SERPINB11: variants seen among roughly 807,000 people sequenced by gnomAD.
SERPINB11 encodes the protein serpin B11.
In SERPINB11, 32 loss-of-function variants were observed where a neutral mutation model predicts 36.7. That is an observed-to-expected ratio of 0.87 (90% CI 0.66 to 1.17). The LOEUF (loss-of-function observed/expected upper bound fraction) is 1.17, where lower values mean the gene tolerates loss of function less well. Ranked by LOEUF, SERPINB11 falls within the 50% of genes most tolerant of loss-of-function variation. The probability of loss-of-function intolerance (pLI) is 0.00; values close to 1 mark genes in which losing one functional copy is unlikely to be tolerated. For synonymous variants in SERPINB11, 174 were observed against 168.1 expected (o/e 1.04, Z -0.27); for missense variants, 528 against 458.4 (o/e 1.15, Z -1.39).
intron 1 of SERPINB11, chr18:63,705,875 A>T (rs891653462): frequency 2.6e-5 from 4 of 152,250 alleles, no homozygotes; most frequent in Admixed American, 2.6e-4. Context: ...ACTTGGATAT[A>T]CTTCACGATT....
At chr18:63,711,679 T>G (rs1219544881) in intron 3 of SERPINB11, among the ~76,000 whole-genome samples, 1 of 152,196 alleles carries the variant, frequency 6.6e-6, no homozygotes, top group East Asian at 1.9e-4. Flanking sequence ...GTTTGCCAGT[T>G]TTGTCTATGT....
At chr18:63,720,668 A>G in intron 6 of SERPINB11, 163 bp from the exon 7 acceptor site, 1 of 560,062 alleles carries the variant, frequency 1.8e-6, no homozygotes, top group Non-Finnish European at 3.1e-6. Flanking sequence ...AAAAAAATGG[A>G]TAACCTTTGC....
chr18:63,709,438 C>T (rs572702938), intron 1 of SERPINB11, among the ~76,000 whole-genome samples: 1 of 151,964 alleles, frequency 6.6e-6, no homozygotes, highest in South Asian at 2.1e-4. Flanking sequence ...GGTGAAACCC[C>T]GTCTCTACCA....
intron 4 of SERPINB11, among the ~76,000 whole-genome samples, chr18:63,714,047 C>T (rs945375757): frequency 4.6e-5 from 7 of 152,208 alleles, no homozygotes; most frequent in South Asian, 2.1e-4. Context: ...TGGGGGAACC[C>T]GCCCTGATAA....
At chr18:63,706,872 TC>T (rs1263814542) in intron 1 of SERPINB11, among the ~76,000 whole-genome samples, 3 of 152,182 alleles carry the variant, frequency 2.0e-5, no homozygotes, top group Non-Finnish European at 4.4e-5. Flanking sequence ...TCCTGGGTTA[TC>T]CTCTTAGACT....
Position 63,712,697 on chromosome 18 carries a change from A to G in SERPINB11, c.357+4A>G. On this transcript the variant is annotated splice_donor_region_variant and intron_variant, in intron 4 of 7. Coordinates refer to ENST00000544088, the MANE Select transcript of SERPINB11 (RefSeq NM_001370475.1). Reference sequence around the variant, plus strand: ...AAAGACGATGGCATTTCATCAGGTAAGTCCATTTGGAAGAGTGATCAACAA... The same window carrying G: ...AAAGACGATGGCATTTCATCAGGTAGGTCCATTTGGAAGAGTGATCAACAA... 1 of 1,611,838 alleles carries G rather than the reference A, an allele frequency of 6.2e-7. No homozygotes were observed. The highest frequency in any genetic ancestry group is 1.1e-5 in the South Asian group (1 of 90,644).
chr18:63,705,596 C>T (rs1914351971), intron 1 of SERPINB11: 1 of 152,170 alleles, frequency 6.6e-6, no homozygotes, highest in African/African-American at 2.4e-5. Context: ...ACCTTGTGTA[C>T]TTGTGGTTAT....
At chr18:63,704,804 C>T (rs1568181920) in intron 1 of SERPINB11, among the ~76,000 whole-genome samples, 1 of 152,150 alleles carries the variant, frequency 6.6e-6, no homozygotes, top group Non-Finnish European at 1.5e-5. Flanking sequence ...TACATGAACC[C>T]TGTAAGTTGG....
At chr18:63,715,407 G>A (rs1914642580) in intron 4 of SERPINB11, among the ~76,000 whole-genome samples, 1 of 152,096 alleles carries the variant, frequency 6.6e-6, no homozygotes, top group Non-Finnish European at 1.5e-5. Flanking sequence ...AAAAGAAAGG[G>A]TAAGTTCTTT....
intron 6 of SERPINB11, 103 bp from the exon 7 acceptor site, chr18:63,720,728 C>T: frequency 2.5e-6 from 2 of 795,762 alleles, no homozygotes; most frequent in South Asian, 1.8e-5. Context: ...TTACCCATGC[C>T]TTTAGAGTGT....
At chr18:63,720,333 C>T in intron 6 of SERPINB11, 178 bp downstream of exon 6, 1 of 596,080 alleles carries the variant, frequency 1.7e-6, no homozygotes, top group Non-Finnish European at 2.9e-6. Flanking sequence ...TAACTTTTAT[C>T]ACAGAGCACC....
At position 63,723,040 on chromosome 18, in the gene SERPINB11, T is replaced by C. The variant is rs773375640; in HGVS notation, c.820T>C (p.Ser274Pro). 1.3e-6 allele frequency: 2 copies of C among 1,596,742 alleles called. No homozygotes were observed. The highest frequency in any genetic ancestry group is 1.7e-6 in the Non-Finnish European group (2 of 1,172,730). ...GGGGACGTTTCATGAGTGGACAAGCTCTTCTAACATGATGGAAAGAGAAGT... is the reference window on the plus strand; with the variant it reads ...GGGGACGTTTCATGAGTGGACAAGCCCTTCTAACATGATGGAAAGAGAAGT... The part of the protein sequence containing the change: ...NSGTFHEWTS[S>P]SNMMEREVEV... Residue 274 changes from serine (S) to proline (P), a missense_variant, in exon 8 of 8, where the codon TCT becomes CCT. By Grantham distance (74) the Ser-to-Pro change is moderately conservative. Transcript: ENST00000544088.
chr18:63,722,347 A>T (rs926978009), intron 7 of SERPINB11, among the ~76,000 whole-genome samples: 1 of 152,172 alleles, frequency 6.6e-6, no homozygotes, highest in African/African-American at 2.4e-5. Flanking sequence ...CTGGCTGGAG[A>T]GTTCAATGCC....
intron 1 of SERPINB11, 22 bp from the exon 2 acceptor site, chr18:63,710,157 A>AT (rs1914478811): frequency 1.9e-6 from 3 of 1,560,264 alleles, no homozygotes; most frequent in East Asian, 2.3e-5. Flanking sequence ...TGTTCTGAGA[A>AT]TTTTTTCCCT....
rs2144534659 is a variant in SERPINB11 at position 63,710,262 on chromosome 18, C to T, written c.69C>T (p.Asn23=). The T allele has an allele frequency of 6.2e-7, 1 of 1,613,788 alleles. No homozygotes were observed. The highest frequency in any genetic ancestry group is 8.5e-7 in the Non-Finnish European group (1 of 1,179,782). ...TGTTCAAAGAGCTGAACAGTAACAACATAGGAGATAACATCTTCTTTTCTT... is the reference window on the plus strand; with the variant it reads ...TGTTCAAAGAGCTGAACAGTAACAATATAGGAGATAACATCTTCTTTTCTT... ...LDVFKELNSN[N]IGDNIFFSSL... Residue 23 remains asparagine (N), a synonymous_variant, in exon 2 of 8, where the codon AAC becomes AAT. Coordinates refer to ENST00000544088, the MANE Select transcript of SERPINB11 (RefSeq NM_001370475.1).
At chr18:63,714,453 G>A (rs1015151342) in intron 4 of SERPINB11, among the ~76,000 whole-genome samples, 4 of 152,036 alleles carry the variant, frequency 2.6e-5, no homozygotes, top group South Asian at 2.1e-4. Flanking sequence ...GAATTTCCTC[G>A]TCCTGATAGG....
chr18:63,705,363 A>G (rs767556364), intron 1 of SERPINB11: 6 of 152,250 alleles, frequency 3.9e-5, no homozygotes, highest in African/African-American at 9.6e-5. Flanking sequence ...ATTATCTAAC[A>G]TAACTTCATT....
At chr18:63,702,802 T>C (rs903297485), upstream of SERPINB11, 1 of 152,200 alleles carries the variant, frequency 6.6e-6, no homozygotes, top group Non-Finnish European at 1.5e-5. Flanking sequence ...TGAGCCACCA[T>C]GCTGGGCTCT....
At chr18:63,711,281 T>C in intron 2 of SERPINB11, 54 bp from the exon 3 acceptor site, 1 of 1,214,286 alleles carries the variant, frequency 8.2e-7, no homozygotes, top group Middle Eastern at 2.0e-4. Context: ...TGTCAACCTT[T>C]ATAGACTGTA....
Sources: gnomAD v4.1 joint callset for allele counts (sites outside exome capture counted in the v4.1 genomes callset) on GRCh38, gnomAD v4.1.1 for gene constraint, MANE v1.5 for transcripts, NCBI Gene and HGNC (gene_info 2026-07-23, HGNC 2026-07-21) for gene names.